The following CEP120 variants were observed in gnomAD, a reference collection of about 807,000 sequenced individuals.
The protein encoded by CEP120 is centrosomal protein 120, also known as centrosomal protein of 120 kDa.
CEP120 carries 113 observed loss-of-function variants against 126.5 expected under a neutral mutation model. The observed-to-expected ratio is 0.89, with a 90% CI of 0.77 to 1.04. CEP120 has a LOEUF of 1.04. CEP120 is among the 50% of genes least tolerant of loss of function. The probability of loss-of-function intolerance (pLI) is 0.00; values close to 1 mark genes in which losing one functional copy is unlikely to be tolerated. For missense variants in CEP120, 1,230 were observed against 1,155.7 expected (o/e 1.06, Z -0.93); for synonymous variants, 400 against 394.3 (o/e 1.01, Z -0.17).
At chr5:123,377,883 C>T (rs1469666459) in intron 15 of CEP120, among the ~76,000 whole-genome samples, 25 of 152,032 alleles carry the variant, frequency 1.6e-4, no homozygotes. Flanking sequence ...TGCCTAATCG[C>T]ATAGAATACA....
At position 123,393,322 on chromosome 5, in the gene CEP120, A is replaced by C; in HGVS notation, c.788T>G (p.Leu263Arg). 6.2e-7 allele frequency: 1 copy of C among 1,614,190 alleles called. No homozygotes were observed. The highest frequency in any genetic ancestry group is 8.5e-7 in the Non-Finnish European group (1 of 1,180,014). The change falls in exon 6 of 20, where the codon CTG (leucine) becomes CGG (arginine). Residue 263 changes from leucine to arginine, a missense_variant. Coordinates refer to ENST00000306467, the MANE Select transcript of CEP120 (RefSeq NM_001375405.1). ...CACCTGCAGTTTAGACTGAAGAGCC[A>C]GGTAAACACGAAGAATTTCTACACT... ...RSSVEILRVY[L>R]ALQSKLQIHL...
intron 17 of CEP120, among the ~76,000 whole-genome samples, chr5:123,366,590 C>T (rs949348143): frequency 2.0e-5 from 3 of 151,808 alleles, no homozygotes; most frequent in Admixed American, 6.6e-5. Flanking sequence ...TCACAAGGAA[C>T]TCTACATTTT....
rs759161702 is a variant in CEP120 at position 123,393,511 on chromosome 5, GA to G, written c.613-15del. On this transcript the variant is annotated splice_polypyrimidine_tract_variant and intron_variant, in intron 5 of 19. Transcript: ENST00000306467. ...ACATGGAATTAACTAAACATTTCAG[GA>G]AAAAGAAAACAGTTATTACTTTCTA... 2.5e-6 allele frequency: 4 copies of G among 1,603,316 alleles called. No homozygotes were observed. Among genetic ancestry groups the G allele is most frequent in the Non-Finnish European group, 3.4e-6 (4 of 1,171,358 alleles).
At chr5:123,359,000 G>A (rs1450878153) in intron 18 of CEP120, among the ~76,000 whole-genome samples, 4 of 152,030 alleles carry the variant, frequency 2.6e-5, no homozygotes, top group East Asian at 1.9e-4. Flanking sequence ...GGGCCTGGAT[G>A]GTTTCAAGAC....
At chr5:123,372,618 CTAGT>C (rs1562021846) in intron 17 of CEP120, 28 bp downstream of exon 17, 5 of 1,588,238 alleles carry the variant, frequency 3.1e-6, no homozygotes, top group Admixed American at 1.7e-5. Flanking sequence ...ATCACTGGGA[CTAGT>C]TAAACTGCAC....
intron 1 of CEP120, among the ~76,000 whole-genome samples, chr5:123,420,678 A>G (rs1774657033): frequency 6.6e-6 from 1 of 152,232 alleles, no homozygotes; most frequent in South Asian, 2.1e-4. Flanking sequence ...GTAAAGGAGG[A>G]AGTCTAGATG....
At chr5:123,370,062 T>C (rs143125332) in intron 17 of CEP120, among the ~76,000 whole-genome samples, 9 of 152,144 alleles carry the variant, frequency 5.9e-5, no homozygotes, top group Admixed American at 5.9e-4. Context: ...TGTTGGTTCA[T>C]CATCATGAAT....
rs373017523 is a variant in CEP120, at chr5:123,357,251, T to C, written c.2581-7162A>G. Among the ~76,000 whole-genome samples the C allele has an allele frequency of 9.1e-4, 139 of 152,228 alleles. No individual in the cohort carries two copies. In the Middle Eastern group the frequency reaches 0.01, roughly 11 times the overall value. ...TTTGTCAATTTTGCTGTGATGCATC[T>C]AGGTAGGCTTACTTTGTATTTATCC... is the stretch of plus-strand genomic sequence containing the variant. On this transcript the variant is annotated intron_variant, in intron 18 of 19. Transcript: ENST00000306467.
Position 123,397,473 on chromosome 5 carries a change from C to T in CEP120, c.612+1663G>A, listed in dbSNP as rs751695619. ...GGCAATAGATATCTGGCTTTCCCTG[C>T]AACTAGAGTGGCATATTAAACTATT... On this transcript the variant is annotated intron_variant, in intron 5 of 19. Transcript: ENST00000306467. Among the ~76,000 whole-genome samples, 188 of 152,260 alleles carry T rather than the reference C, an allele frequency of 1.2e-3. 2 individuals are homozygous for T. Among genetic ancestry groups the T allele is most frequent in the Non-Finnish European group, 2.3e-3 (155 of 68,024 alleles).
intron 4 of CEP120, chr5:123,403,547 A>G (rs2127103385): frequency 3.1e-6 from 1 of 326,256 alleles, no homozygotes; most frequent in South Asian, 2.4e-5. Flanking sequence ...GAATATATTC[A>G]TAATTTCACA....
chr5:123,402,976 A>C (rs750137236), intron 4 of CEP120, among the ~76,000 whole-genome samples: 1 of 152,244 alleles, frequency 6.6e-6, no homozygotes, highest in Non-Finnish European at 1.5e-5. Flanking sequence ...CCCTCACCAG[A>C]TGCCAGTGCC....
At chr5:123,362,079 A>T (rs1329490264) in intron 18 of CEP120, among the ~76,000 whole-genome samples, 1 of 151,518 alleles carries the variant, frequency 6.6e-6, no homozygotes, top group Admixed American at 6.6e-5. Context: ...TGTTACCTTT[A>T]ACAGCCATTC....
chr5:123,351,333 CATT>C (rs1339079837), intron 18 of CEP120, among the ~76,000 whole-genome samples: 6 of 152,274 alleles, frequency 3.9e-5, no homozygotes, highest in Middle Eastern at 3.4e-3. Context: ...TTTTGAGACT[CATT>C]GTTCTCTGTA....
At chr5:123,357,922 C>G (rs1209644852) in intron 18 of CEP120, among the ~76,000 whole-genome samples, 1 of 152,094 alleles carries the variant, frequency 6.6e-6, no homozygotes, top group Non-Finnish European at 1.5e-5. Context: ...TTATATGCTA[C>G]TACTGGGAAT....
chr5:123,395,316 C>G (rs1410041549), intron 5 of CEP120, among the ~76,000 whole-genome samples: 1 of 152,160 alleles, frequency 6.6e-6, no homozygotes, highest in Non-Finnish European at 1.5e-5. Flanking sequence ...ACTCAATCCT[C>G]CATTCTATTA....
intron 14 of CEP120, 88 bp downstream of exon 14, chr5:123,382,023 T>C: frequency 1.1e-6 from 1 of 883,882 alleles, no homozygotes; most frequent in Admixed American, 2.3e-5. Flanking sequence ...AAATTAGTTA[T>C]TCCTTCCAGA....
intron 18 of CEP120, among the ~76,000 whole-genome samples, chr5:123,359,662 A>G (rs1769925668): frequency 6.6e-6 from 1 of 152,004 alleles, no homozygotes; most frequent in African/African-American, 2.4e-5. Flanking sequence ...CGTTTTCTAA[A>G]TCAGGACTCA....
chr5:123,352,272 G>T, intron 18 of CEP120, among the ~76,000 whole-genome samples: 1 of 152,126 alleles, frequency 6.6e-6, no homozygotes, highest in Non-Finnish European at 1.5e-5. Flanking sequence ...ATAAAGAGAA[G>T]TCCTTAATTT....
In CEP120 at chr5:123,386,675, TTAAAAAAAAAA is replaced by T; in HGVS notation, c.1431-19_1431-9del. On this transcript the variant is annotated splice_polypyrimidine_tract_variant and intron_variant, in intron 9 of 19. Coordinates refer to ENST00000306467, the MANE Select transcript of CEP120 (RefSeq NM_001375405.1). ...AAGAATGGATATGAGTACCTAGAAT[TTAAAAAAAAAA>T]AAAAAAAAAAAAGCCTTAATGATAT... 12 of 688,328 alleles carry T rather than the reference TTAAAAAAAAAA, an allele frequency of 1.7e-5. No homozygotes were observed. The highest frequency in any genetic ancestry group is 5.5e-5 in the South Asian group (1 of 18,238). The allele number at this position is 688,328 out of a possible 1,614,324, so 42.6% of individuals were successfully genotyped here.
Sources: gnomAD v4.1 joint callset for allele counts (sites outside exome capture counted in the v4.1 genomes callset) on GRCh38, gnomAD v4.1.1 for gene constraint, MANE v1.5 for transcripts, NCBI Gene and HGNC (gene_info 2026-07-23, HGNC 2026-07-21) for gene names.